SIPA1L1: variants seen among roughly 807,000 people sequenced by gnomAD.
SIPA1L1 encodes the protein signal induced proliferation associated 1 like 1, also known as signal-induced proliferation-associated 1-like protein 1.
Under a neutral mutation model 162.7 loss-of-function variants are expected in SIPA1L1, and 26 were observed. The ratio of observed to expected loss-of-function variants is 0.16; its 90% CI spans 0.12 to 0.22. The LOEUF is 0.22. Ranked by LOEUF, SIPA1L1 falls within the 10% of genes least tolerant of loss-of-function variation. SIPA1L1 has a pLI of 1.00. For missense variants in SIPA1L1, 1,874 were observed against 2,241.0 expected (o/e 0.84, Z 3.31); for synonymous variants, 829 against 837.4 (o/e 0.99, Z 0.17).
At chr14:71,729,951 G>T (rs2084607577) in intron 19 of SIPA1L1, 104 bp from the exon 20 acceptor site, 8 of 1,232,830 alleles carry the variant, frequency 6.5e-6, no homozygotes, top group Non-Finnish European at 9.2e-6. Flanking sequence ...CTTGCTAGGG[G>T]TGTGTCTGGA....
intron 2 of SIPA1L1, among the ~76,000 whole-genome samples, chr14:71,457,826 A>T (rs989663860): frequency 6.8e-6 from 1 of 146,982 alleles, no homozygotes; most frequent in Non-Finnish European, 1.5e-5. Flanking sequence ...CGAACTCCTG[A>T]CCTCAGGTGG....
At chr14:71,330,962 C>G (rs559389405) in intron 2 of SIPA1L1, among the ~76,000 whole-genome samples, 3 of 152,224 alleles carry the variant, frequency 2.0e-5, no homozygotes, top group Non-Finnish European at 4.4e-5. Context: ...TTGGCCGTAT[C>G]TAAGAAGTAA....
intron 2 of SIPA1L1, among the ~76,000 whole-genome samples, chr14:71,415,116 T>C (rs539970551): frequency 6.6e-6 from 1 of 152,350 alleles, no homozygotes; most frequent in South Asian, 2.1e-4. Context: ...CTGGAGTGAC[T>C]GCATCCTATA....
chr14:71,661,819 G>T (rs1399308443), intron 10 of SIPA1L1, among the ~76,000 whole-genome samples: 2 of 152,222 alleles, frequency 1.3e-5, no homozygotes, highest in Admixed American at 6.5e-5. Context: ...ATAGGGAAGA[G>T]AAGTTAATTT....
At chr14:71,386,339 C>T (rs547276784) in intron 2 of SIPA1L1, among the ~76,000 whole-genome samples, 34 of 152,260 alleles carry the variant, frequency 2.2e-4, no homozygotes, top group Non-Finnish European at 2.2e-4. Flanking sequence ...AGTTTCTTCA[C>T]GTTCTTCTGC....
chr14:71,694,224 C>T (rs1183012535), intron 13 of SIPA1L1, among the ~76,000 whole-genome samples: 1 of 151,858 alleles, frequency 6.6e-6, no homozygotes, highest in East Asian at 1.9e-4. Flanking sequence ...TGTTAGAAAT[C>T]CGTGTGTGTG....
At chr14:71,385,752 A>G (rs1418009649) in intron 2 of SIPA1L1, among the ~76,000 whole-genome samples, 13 of 146,998 alleles carry the variant, frequency 8.8e-5, no homozygotes, top group South Asian at 4.2e-4. Flanking sequence ...CAGTGGCGCA[A>G]TCTCGGCTCA....
At chr14:71,496,573 T>C (rs1350259011) in intron 2 of SIPA1L1, among the ~76,000 whole-genome samples, 1 of 152,196 alleles carries the variant, frequency 6.6e-6, no homozygotes, top group Non-Finnish European at 1.5e-5. Context: ...TATTCTGCTG[T>C]TGTTGGATGA....
intron 2 of SIPA1L1, among the ~76,000 whole-genome samples, chr14:71,456,833 T>C (rs553401594): frequency 3.9e-5 from 6 of 152,368 alleles, no homozygotes; most frequent in Non-Finnish European, 7.4e-5. Flanking sequence ...ATCTGGAGAA[T>C]TGAATAAATC....
intron 4 of SIPA1L1, among the ~76,000 whole-genome samples, chr14:71,553,638 A>C (rs1157347080): frequency 6.6e-6 from 1 of 152,260 alleles, no homozygotes; most frequent in Non-Finnish European, 1.5e-5. Context: ...GAGATAAGGT[A>C]AAATATACCA....
chr14:71,715,850 T>A (rs1286678322), intron 17 of SIPA1L1, among the ~76,000 whole-genome samples: 1 of 152,228 alleles, frequency 6.6e-6, no homozygotes, highest in East Asian at 1.9e-4. Flanking sequence ...CCTTTTTAGA[T>A]GCAAAACTTG....
intron 2 of SIPA1L1, among the ~76,000 whole-genome samples, chr14:71,457,301 A>AT (rs34181116): frequency 0.012 from 1,732 of 139,736 alleles, 16 homozygotes; most frequent in Non-Finnish European, 0.015. Context: ...TGCAATGAAC[A>AT]TTTTTTTTTT....
At chr14:71,340,378 G>T (rs2035525439) in intron 2 of SIPA1L1, among the ~76,000 whole-genome samples, 1 of 151,912 alleles carries the variant, frequency 6.6e-6, no homozygotes, top group Non-Finnish European at 1.5e-5. Context: ...AGTTAGTAAT[G>T]ACCATAAATA....
chr14:71,734,510 A>AT (rs145398482), intron 21 of SIPA1L1, among the ~76,000 whole-genome samples: 7 of 151,586 alleles, frequency 4.6e-5, no homozygotes, highest in Non-Finnish European at 8.8e-5. Context: ...ATAGCAGGTG[A>AT]TTTTTTTTTC....
intron 9 of SIPA1L1, among the ~76,000 whole-genome samples, 172 bp downstream of exon 9, chr14:71,658,608 A>G (rs1402242055): frequency 1.3e-5 from 2 of 152,240 alleles, no homozygotes. Flanking sequence ...AAAACAAATG[A>G]AGAGACACAA....
At chr14:71,616,538 G>T (rs2038856076) in intron 5 of SIPA1L1, among the ~76,000 whole-genome samples, 2 of 151,298 alleles carry the variant, frequency 1.3e-5, no homozygotes, top group South Asian at 4.2e-4. Context: ...AAAAAAAGAG[G>T]GTCATCAAGG....
At chr14:71,604,001 ATT>A (rs539719151) in intron 5 of SIPA1L1, among the ~76,000 whole-genome samples, 8 of 140,348 alleles carry the variant, frequency 5.7e-5, no homozygotes, top group African/African-American at 2.1e-4. Flanking sequence ...ATATATATAA[ATT>A]TTTTTTTTTT....
chr14:71,355,471 C>T (rs1231690836), intron 2 of SIPA1L1, among the ~76,000 whole-genome samples: 1 of 152,186 alleles, frequency 6.6e-6, no homozygotes, highest in Non-Finnish European at 1.5e-5. Context: ...AAGTACTGAT[C>T]ATTTTGGCAT....
chr14:71,578,789 T>C (rs116887773), intron 4 of SIPA1L1, among the ~76,000 whole-genome samples: 209 of 152,344 alleles, frequency 1.4e-3, no homozygotes, highest in Non-Finnish European at 2.5e-3. Context: ...CAACTCTTTC[T>C]TATAAAATCC....
Sources: gnomAD v4.1 joint callset for allele counts (sites outside exome capture counted in the v4.1 genomes callset) on GRCh38, gnomAD v4.1.1 for gene constraint, MANE v1.5 for transcripts, NCBI Gene and HGNC (gene_info 2026-07-23, HGNC 2026-07-21) for gene names.